CTNND2: variants seen among roughly 807,000 people sequenced by gnomAD.
The protein encoded by CTNND2 is catenin delta-2.
Under a neutral mutation model 144.4 loss-of-function variants are expected in CTNND2, and 22 were observed. The ratio of observed to expected loss-of-function variants is 0.15; its 90% CI spans 0.11 to 0.22. CTNND2 has a LOEUF of 0.22. CTNND2 is among the 10% of genes least tolerant of loss of function. The probability of loss-of-function intolerance (pLI) is 1.00; values close to 1 mark genes in which losing one functional copy is unlikely to be tolerated. For synonymous variants in CTNND2, 751 were observed against 695.6 expected (o/e 1.08, Z -1.25); for missense variants, 1,353 against 1,618.8 (o/e 0.84, Z 2.82).
chr5:11,420,847 T>C (rs1215862462), intron 3 of CTNND2, among the ~76,000 whole-genome samples: 3 of 152,334 alleles, frequency 2.0e-5, no homozygotes, highest in South Asian at 2.1e-4. Context: ...ACGGCTATTA[T>C]GAACATTTTT....
rs75925040 is a variant in CTNND2 at position 11,802,578 on chromosome 5, A to C, written c.38-70306T>G. On this transcript the variant is annotated intron_variant, in intron 1 of 21. Coordinates refer to ENST00000304623, the MANE Select transcript of CTNND2 (RefSeq NM_001332.4). ...GCGAAACTCCATCTCAAAAAAAAAA[A>C]AACGAATCTTCTAATCATACTATGT... Among the ~76,000 whole-genome samples the C allele has an allele frequency of 0.014, 2,175 of 152,268 alleles. 126 individuals are homozygous for C. In the East Asian group the frequency reaches 0.19, roughly 13 times the overall value.
chr5:11,263,251 C>T (rs547280525), intron 9 of CTNND2, among the ~76,000 whole-genome samples: 12 of 152,292 alleles, frequency 7.9e-5, no homozygotes, highest in African/African-American at 2.9e-4. Flanking sequence ...AACTAAAAAT[C>T]TCTTTTGTAT....
At chr5:11,327,150 G>A (rs536889363) in intron 9 of CTNND2, among the ~76,000 whole-genome samples, 3 of 152,242 alleles carry the variant, frequency 2.0e-5, no homozygotes, top group East Asian at 1.9e-4. Context: ...GAAGACAGCC[G>A]GGATGTGGCT....
chr5:11,746,181 TTAA>T (rs1295158246), intron 1 of CTNND2, among the ~76,000 whole-genome samples: 2 of 152,298 alleles, frequency 1.3e-5, no homozygotes, highest in Admixed American at 6.5e-5. Context: ...CCAATACATC[TTAA>T]TAAACTGTGT....
intron 16 of CTNND2, among the ~76,000 whole-genome samples, chr5:11,036,848 T>C (rs1744130578): frequency 6.6e-6 from 1 of 152,320 alleles, no homozygotes; most frequent in South Asian, 2.1e-4. Context: ...GATTTTTATT[T>C]GGTTTAATAC....
intron 1 of CTNND2, among the ~76,000 whole-genome samples, chr5:11,872,675 GTCT>G (rs35474882): frequency 0.34 from 51,730 of 151,766 alleles, 10,018 homozygotes; most frequent in East Asian, 0.61. Flanking sequence ...CTGCATAAAT[GTCT>G]TCTTTTGAGA....
chr5:11,604,492 G>A (rs1460740581), intron 2 of CTNND2, among the ~76,000 whole-genome samples: 1 of 152,192 alleles, frequency 6.6e-6, no homozygotes, highest in Non-Finnish European at 1.5e-5. Context: ...TGGAGCATGG[G>A]TCTGCGCACA....
At chr5:11,385,714 T>C (rs1047203259) in intron 6 of CTNND2, 5 of 152,194 alleles carry the variant, frequency 3.3e-5, no homozygotes, top group Admixed American at 6.5e-5. Context: ...TTGGCCGAGT[T>C]ACATACTTAT....
chr5:11,447,602 C>T (rs1764936297), intron 3 of CTNND2, among the ~76,000 whole-genome samples: 1 of 152,156 alleles, frequency 6.6e-6, no homozygotes, highest in Non-Finnish European at 1.5e-5. Flanking sequence ...CTGGAGGCCA[C>T]CTGCTGTGCC....
rs1181518974 is a variant in CTNND2, at chr5:11,337,423, C to T, written c.1628+8949G>A. On this transcript the variant is annotated intron_variant, in intron 9 of 21. Transcript: ENST00000304623. Reference sequence around the variant, plus strand: ...TGAAGAGAGAGATTTACTTCCCCCACCTACCAAGGACCTTTCTTCTCATTT... The same window carrying T: ...TGAAGAGAGAGATTTACTTCCCCCATCTACCAAGGACCTTTCTTCTCATTT... Among the ~76,000 whole-genome samples, 6 of 152,154 alleles carry T rather than the reference C, an allele frequency of 3.9e-5. No homozygotes were observed. The East Asian group carries it at 1.2e-3, about 29-fold the overall frequency.
intron 1 of CTNND2, among the ~76,000 whole-genome samples, chr5:11,803,489 T>C (rs1791809131): frequency 6.6e-6 from 1 of 152,174 alleles, no homozygotes; most frequent in African/African-American, 2.4e-5. Context: ...TAGGATGACA[T>C]AAAATAGGGC....
chr5:11,661,236 G>A (rs1783187195), intron 2 of CTNND2, among the ~76,000 whole-genome samples: 1 of 152,030 alleles, frequency 6.6e-6, no homozygotes, highest in South Asian at 2.1e-4. Context: ...TAAATGTTGA[G>A]AAATACAAAC....
At chr5:11,485,366 T>C (rs927106455) in intron 3 of CTNND2, among the ~76,000 whole-genome samples, 9 of 126,536 alleles carry the variant, frequency 7.1e-5, no homozygotes, top group Non-Finnish European at 1.1e-4. Context: ...TGTGTGTGTG[T>C]GTGTGTGTGC....
chr5:11,528,491 G>C (rs573620034), intron 3 of CTNND2, among the ~76,000 whole-genome samples: 17 of 152,274 alleles, frequency 1.1e-4, no homozygotes, highest in African/African-American at 3.9e-4. Flanking sequence ...AAAAGTCAAA[G>C]TAATTGAAAT....
chr5:11,090,260 G>A (rs1750628665), intron 15 of CTNND2, among the ~76,000 whole-genome samples: 1 of 152,224 alleles, frequency 6.6e-6, no homozygotes, highest in African/African-American at 2.4e-5. Context: ...GAATTCCTCT[G>A]TGAAGTTGAC....
intron 1 of CTNND2, among the ~76,000 whole-genome samples, chr5:11,816,014 A>G (rs1224087165): frequency 6.6e-6 from 1 of 152,116 alleles, no homozygotes; most frequent in African/African-American, 2.4e-5. Flanking sequence ...TGGGCTGCAG[A>G]GCCCACGAGT....
intron 11 of CTNND2, among the ~76,000 whole-genome samples, chr5:11,181,411 A>G (rs541175974): frequency 6.6e-6 from 1 of 152,180 alleles, no homozygotes; most frequent in South Asian, 2.1e-4. Context: ...TTTGCCCGGG[A>G]AGCAGCAGGT....
rs58727176 is a variant in CTNND2, at chr5:11,894,815, G to A, written c.37+9002C>T. Among the ~76,000 whole-genome samples, 125 of 152,270 alleles carry A rather than the reference G, an allele frequency of 8.2e-4. 1 individual carries two copies. The highest frequency in any genetic ancestry group is 2.9e-3 in the African/African-American group (121 of 41,552). ...ATCCTAAGGCAGTGGTCCCTCCAGG[G>A]TGCTGCAGTGTCTGTACCCAAAACC... On this transcript the variant is annotated intron_variant, in intron 1 of 21. Transcript: ENST00000304623.
intron 18 of CTNND2, among the ~76,000 whole-genome samples, chr5:10,995,564 A>T (rs564777901): frequency 2.0e-5 from 3 of 152,346 alleles, no homozygotes; most frequent in African/African-American, 7.2e-5. Flanking sequence ...AGCCTTTGGC[A>T]AAGTTTTATT....
Sources: allele counts gnomAD v4.1 joint callset (sites outside exome capture counted in the v4.1 genomes callset), GRCh38; gene constraint gnomAD v4.1.1; transcripts MANE v1.5; gene names NCBI Gene and HGNC (gene_info 2026-07-23, HGNC 2026-07-21).